Variants in GPR107 observed in about 807,000 individuals in gnomAD.
GPR107 encodes the protein G protein-coupled receptor 107.
GPR107 carries 31 observed loss-of-function variants against 75.5 expected under a neutral mutation model. The observed-to-expected ratio is 0.41, with a 90% confidence interval of 0.31 to 0.55. GPR107 has a LOEUF of 0.55. GPR107 is among the 20% of genes least tolerant of loss of function. The pLI, the probability that GPR107 is intolerant of heterozygous loss-of-function variation, is 0.26. For missense variants in GPR107, 572 were observed against 665.7 expected, an observed-to-expected ratio of 0.86 and a Z score of 1.55; for synonymous variants, 267 against 251.3, an observed-to-expected ratio of 1.06 and a Z score of -0.59.
intron 14 of GPR107, among the ~76,000 whole-genome samples, chr9:130,121,371 T>A (rs1172326219): frequency 1.3e-5 from 2 of 152,164 alleles, no homozygotes; most frequent in Non-Finnish European, 1.5e-5. Context: ...CTTATAATGT[T>A]TTAAGAAAGT....
chr9:130,073,650 A>G (rs1317044240), intron 1 of GPR107, among the ~76,000 whole-genome samples: 2 of 152,240 alleles, frequency 1.3e-5, no homozygotes, highest in Non-Finnish European at 2.9e-5. Flanking sequence ...AAAAGGGAAG[A>G]AGGAGCTGAA....
intron 6 of GPR107, among the ~76,000 whole-genome samples, chr9:130,084,048 A>ATATATATATG (rs1491435971): frequency 7.2e-3 from 2 of 276 alleles, no homozygotes; most frequent in East Asian, 0.33. Context: ...GAGAGCTAAC[A>ATATATATATG]TATATATATA....
intron 7 of GPR107, among the ~76,000 whole-genome samples, chr9:130,089,677 T>C (rs1289369821): frequency 1.3e-5 from 2 of 152,212 alleles, no homozygotes; most frequent in Non-Finnish European, 2.9e-5. Flanking sequence ...ATATCTTTTT[T>C]AGACTTCCCC....
intron 5 of GPR107, among the ~76,000 whole-genome samples, chr9:130,082,056 G>A (rs1257229326): frequency 6.6e-6 from 1 of 152,138 alleles, no homozygotes; most frequent in Non-Finnish European, 1.5e-5. Context: ...GAGCAAGAGA[G>A]AGTGGGGAGG....
chr9:130,110,282 C>T, intron 14 of GPR107: 2 of 771,108 alleles, frequency 2.6e-6, no homozygotes, highest in Non-Finnish European at 4.6e-6. Context: ...TGTCCCCCAG[C>T]ATCTGTAGTA....
At position 130,099,516 on chromosome 9, in the gene GPR107, C is replaced by A. The variant is rs1475392420; in HGVS notation, c.923C>A (p.Ser308Tyr). 2 of 1,587,842 alleles carry A rather than the reference C, an allele frequency of 1.3e-6. No individual in the cohort carries two copies. Among genetic ancestry groups the A allele is most frequent in the Non-Finnish European group, 1.7e-6 (2 of 1,156,284 alleles). ...MAALPFTKSL[S>Y]LVFHAIDYHY... is the part of the protein sequence containing the mutation. ...GCCCTTCCTTTCACCAAGTCTCTTTCCTTGGTGTTCCATGCAGTATGTATT... is the reference window on the plus strand; with the variant it reads ...GCCCTTCCTTTCACCAAGTCTCTTTACTTGGTGTTCCATGCAGTATGTATT... Residue 308 changes from serine to tyrosine, a missense_variant, in exon 10 of 18, where the codon TCC becomes TAC. Physicochemically the swap from Ser to Tyr is moderately radical, Grantham distance 144. Transcript: ENST00000347136.
rs144079695 is a variant in GPR107 at position 130,128,699 on chromosome 9, G to A, written c.1500G>A (p.Pro500=). ...TTCTAACGGGGTATAAATTCCGTCC[G>A]GCTTCAGATAACCCCTACCTACAAC... ...FFVLTGYKFR[P]ASDNPYLQLS... is the part of the protein sequence containing the mutation. The change falls in exon 17 of 18, where the codon CCG becomes CCA. Residue 500 remains proline, a synonymous_variant. Coordinates refer to ENST00000347136, the MANE Select transcript of GPR107 (RefSeq NM_020960.5). 3.7e-6 allele frequency: 6 copies of A among 1,610,294 alleles called. No homozygotes were observed. The highest frequency in any genetic ancestry group is 1.7e-5 in the Admixed American group (1 of 59,998).
At chr9:130,059,556 T>C (rs1829876996) in intron 1 of GPR107, among the ~76,000 whole-genome samples, 1 of 152,164 alleles carries the variant, frequency 6.6e-6, no homozygotes, top group African/African-American at 2.4e-5. Context: ...ATTTTGATAT[T>C]ACCTGTAAAA....
At chr9:130,092,652 G>A (rs183279448) in intron 9 of GPR107, among the ~76,000 whole-genome samples, 12 of 150,208 alleles carry the variant, frequency 8.0e-5, no homozygotes, top group South Asian at 2.1e-4. Flanking sequence ...GTCTCACTCT[G>A]TATCCCAGGC....
At chr9:130,127,765 C>T (rs1202583271) in intron 16 of GPR107, among the ~76,000 whole-genome samples, 199 bp downstream of exon 16, 1 of 152,082 alleles carries the variant, frequency 6.6e-6, no homozygotes, top group Non-Finnish European at 1.5e-5. Context: ...TGCAGTGGCG[C>T]AATCTCAGCT....
chr9:130,093,025 C>A (rs1232995900), intron 9 of GPR107, among the ~76,000 whole-genome samples: 1 of 152,170 alleles, frequency 6.6e-6, no homozygotes, highest in Non-Finnish European at 1.5e-5. Flanking sequence ...GGGTCTCATT[C>A]AGGGGCTGTT....
chr9:130,095,464 G>C (rs1830842118), intron 9 of GPR107, among the ~76,000 whole-genome samples: 1 of 152,014 alleles, frequency 6.6e-6, no homozygotes, highest in Admixed American at 6.6e-5. Context: ...GTGCAATCTT[G>C]GCTCACTGCA....
chr9:130,119,938 C>G (rs1001666960), intron 14 of GPR107, among the ~76,000 whole-genome samples: 1 of 152,168 alleles, frequency 6.6e-6, no homozygotes, highest in African/African-American at 2.4e-5. Context: ...CCCCTCCTAC[C>G]TCAGCCTCTC....
At chr9:130,072,961 T>A (rs530843394) in intron 1 of GPR107, among the ~76,000 whole-genome samples, 1 of 152,270 alleles carries the variant, frequency 6.6e-6, no homozygotes, top group African/African-American at 2.4e-5. Flanking sequence ...ACTCAGCGCA[T>A]TTCCAGAACG....
chr9:130,055,445 G>A (rs1472956073), intron 1 of GPR107, among the ~76,000 whole-genome samples: 1 of 151,138 alleles, frequency 6.6e-6, no homozygotes, highest in Non-Finnish European at 1.5e-5. Context: ...GGAGAATGGC[G>A]TGAACCCGGG....
At chr9:130,070,351 T>C (rs1830175191) in intron 1 of GPR107, among the ~76,000 whole-genome samples, 1 of 152,126 alleles carries the variant, frequency 6.6e-6, no homozygotes, top group African/African-American at 2.4e-5. Context: ...TCGCCCAAGC[T>C]AGAGTGCGGT....
intron 12 of GPR107, among the ~76,000 whole-genome samples, chr9:130,102,321 G>A (rs1049356943): frequency 4.6e-5 from 7 of 152,148 alleles, no homozygotes; most frequent in Admixed American, 3.9e-4. Flanking sequence ...TGTGAATGAC[G>A]GAGACTGGGT....
intron 17 of GPR107, among the ~76,000 whole-genome samples, chr9:130,130,225 C>A (rs757134419): frequency 1.3e-5 from 2 of 152,144 alleles, no homozygotes; most frequent in Non-Finnish European, 2.9e-5. Context: ...CAGAAGTTAC[C>A]GGTCAATAAT....
Position 130,137,826 on chromosome 9 carries a change from G to A in GPR107, c.*2705G>A, listed in dbSNP as rs1419444540. The stretch of plus-strand genomic sequence containing the variant: ...GTGTTTGAATGGTTAAGCCCTTGCA[G>A]TATTTCAGATCGGGCAAAAAATATC... On this transcript the variant is annotated 3_prime_UTR_variant, in exon 18 of 18. Coordinates refer to ENST00000347136, the MANE Select transcript of GPR107 (RefSeq NM_020960.5). 6.6e-6 allele frequency: 1 copy of A among 152,260 alleles called. No homozygotes were observed. The highest frequency in any genetic ancestry group is 2.4e-5 in the African/African-American group (1 of 41,468). 9.4% of individuals were successfully genotyped at this position (152,260 alleles called of 1,614,324 possible).
Sources: allele counts gnomAD v4.1 joint callset (sites outside exome capture counted in the v4.1 genomes callset), GRCh38; gene constraint gnomAD v4.1.1; transcripts MANE v1.5; gene names NCBI Gene and HGNC (gene_info 2026-07-23, HGNC 2026-07-21).